Variants in ADAMTSL1 observed in about 807,000 individuals in gnomAD.
ADAMTSL1 encodes ADAMTS-like protein 1.
Under a neutral mutation model 201.8 loss-of-function variants are expected in ADAMTSL1, and 126 were observed. The ratio of observed to expected loss-of-function variants is 0.62; its 90% CI spans 0.54 to 0.72. ADAMTSL1 has a LOEUF of 0.72. ADAMTSL1 is among the 30% of genes least tolerant of loss of function. The pLI is 0.00. For synonymous variants in ADAMTSL1, 1,121 were observed against 903.4 expected, an observed-to-expected ratio of 1.24 and a Z score of -4.32; for missense variants, 2,679 against 2,277.8, an observed-to-expected ratio of 1.18 and a Z score of -3.59.
chr9:18,727,579 A>T (rs1212026285), intron 15 of ADAMTSL1, among the ~76,000 whole-genome samples: 1 of 152,152 alleles, frequency 6.6e-6, no homozygotes, highest in Non-Finnish European at 1.5e-5. Context: ...CTCTAGTGGG[A>T]CTGTATTGGC....
chr9:17,990,609 A>C (rs952153067), intron 1 of ADAMTSL1, among the ~76,000 whole-genome samples: 2 of 152,020 alleles, frequency 1.3e-5, no homozygotes, highest in Non-Finnish European at 2.9e-5. Context: ...ATTATACTTA[A>C]TTTCCTGGTT....
At chr9:17,908,392 C>A (rs966495632) in intron 1 of ADAMTSL1, among the ~76,000 whole-genome samples, 1 of 152,010 alleles carries the variant, frequency 6.6e-6, no homozygotes, top group African/African-American at 2.4e-5. Context: ...AATTCTAAAG[C>A]TCTCGGGTAA....
At chr9:18,118,515 A>G (rs1472878764) in intron 1 of ADAMTSL1, among the ~76,000 whole-genome samples, 2 of 152,176 alleles carry the variant, frequency 1.3e-5, no homozygotes, top group Admixed American at 6.5e-5. Flanking sequence ...TCATGATCTG[A>G]TTGGTATGCT....
intron 2 of ADAMTSL1, among the ~76,000 whole-genome samples, chr9:18,342,279 T>C (rs1835496332): frequency 6.6e-6 from 1 of 152,174 alleles, no homozygotes; most frequent in African/African-American, 2.4e-5. Flanking sequence ...CTTTGAGTAA[T>C]TGTTTTAAAA....
At chr9:18,775,944 A>T in intron 18 of ADAMTSL1, 48 bp downstream of exon 18, 1 of 1,559,100 alleles carries the variant, frequency 6.4e-7, no homozygotes, top group Non-Finnish European at 8.7e-7. Flanking sequence ...CCCACACAGC[A>T]GCAGCTATAG....
chr9:18,093,899 A>C (rs982713769), intron 1 of ADAMTSL1, among the ~76,000 whole-genome samples: 43 of 152,270 alleles, frequency 2.8e-4, no homozygotes, highest in African/African-American at 9.4e-4. Context: ...TGGGAAGGTC[A>C]TTGTGCAATG....
chr9:18,155,640 T>TAG (rs894418961), intron 1 of ADAMTSL1, among the ~76,000 whole-genome samples: 2 of 152,050 alleles, frequency 1.3e-5, no homozygotes, highest in African/African-American at 4.8e-5. Context: ...CCATGTGGCC[T>TAG]AGAGAAGCCA....
At chr9:18,445,088 T>C (rs925017361) in intron 2 of ADAMTSL1, among the ~76,000 whole-genome samples, 6 of 152,150 alleles carry the variant, frequency 3.9e-5, no homozygotes, top group Admixed American at 1.3e-4. Context: ...AACACTGTGA[T>C]ATTCTTCAGT....
chr9:18,019,694 G>A lies in ADAMTSL1; in HGVS notation c.87+112772G>A, dbSNP rs59656854. 4.9e-4 allele frequency among the ~76,000 whole-genome samples: 75 copies of A among 152,192 alleles called. 1 individual carries two copies. The East Asian group carries it at 0.013, about 26-fold the overall frequency. The stretch of plus-strand genomic sequence containing the variant: ...GAGTCATGGGTGACCCACTAAGCAG[G>A]AACATTGGACTTGGACTTAGGGGAA... On this transcript the variant is annotated intron_variant, in intron 1 of 29. Transcript: ENST00000680146.
intron 1 of ADAMTSL1, among the ~76,000 whole-genome samples, chr9:18,053,073 A>G (rs979121043): frequency 6.6e-6 from 1 of 152,226 alleles, no homozygotes; most frequent in Non-Finnish European, 1.5e-5. Context: ...ATCAAAATCC[A>G]TAAAGCTAAA....
chr9:18,015,401 C>G (rs1374587752), intron 1 of ADAMTSL1, among the ~76,000 whole-genome samples: 1 of 152,080 alleles, frequency 6.6e-6, no homozygotes, highest in Non-Finnish European at 1.5e-5. Context: ...CTATTAACAA[C>G]TCCCTTTCTT....
chr9:18,315,048 G>C (rs1041769640), intron 2 of ADAMTSL1, among the ~76,000 whole-genome samples: 1 of 151,748 alleles, frequency 6.6e-6, no homozygotes, highest in African/African-American at 2.4e-5. Context: ...CGCCCGCCTC[G>C]GCCTCCCAAA....
intron 1 of ADAMTSL1, among the ~76,000 whole-genome samples, chr9:18,024,764 T>G (rs1442734953): frequency 6.6e-6 from 1 of 152,096 alleles, no homozygotes; most frequent in Non-Finnish European, 1.5e-5. Context: ...ACAACTTATT[T>G]TCCTTTGGGC....
chr9:18,574,379 T>C (rs749845622), intron 4 of ADAMTSL1, 113 bp downstream of exon 4: 2 of 971,052 alleles, frequency 2.1e-6, no homozygotes, highest in Admixed American at 3.8e-5. Context: ...TTTTAGAGTT[T>C]GTAAATGGTG....
chr9:17,922,637 G>C (rs981597827), intron 1 of ADAMTSL1, among the ~76,000 whole-genome samples: 1 of 152,136 alleles, frequency 6.6e-6, no homozygotes, highest in Non-Finnish European at 1.5e-5. Context: ...ACAGATGAGA[G>C]AGGTAAGGTC....
intron 2 of ADAMTSL1, among the ~76,000 whole-genome samples, chr9:18,193,235 A>T (rs1287490576): frequency 7.9e-5 from 12 of 152,170 alleles, no homozygotes; most frequent in African/African-American, 2.9e-4. Flanking sequence ...TCACTATAAG[A>T]TTCAAATCGT....
chr9:18,348,721 T>A (rs916863674), intron 2 of ADAMTSL1, among the ~76,000 whole-genome samples: 1 of 152,136 alleles, frequency 6.6e-6, no homozygotes, highest in East Asian at 1.9e-4. Context: ...AGTCACAAAT[T>A]TGGCCAGAGC....
At chr9:18,095,910 C>T (rs1824232181) in intron 1 of ADAMTSL1, among the ~76,000 whole-genome samples, 1 of 152,148 alleles carries the variant, frequency 6.6e-6, no homozygotes, top group Non-Finnish European at 1.5e-5. Context: ...TGTTTCTAAG[C>T]CTCCTGAATG....
chr9:18,334,176 G>T (rs1835139258), intron 2 of ADAMTSL1, among the ~76,000 whole-genome samples: 1 of 152,110 alleles, frequency 6.6e-6, no homozygotes, highest in South Asian at 2.1e-4. Flanking sequence ...AAAAAATATG[G>T]AAAGGGAGAA....
Sources: allele counts gnomAD v4.1 joint callset (sites outside exome capture counted in the v4.1 genomes callset), GRCh38; gene constraint gnomAD v4.1.1; transcripts MANE v1.5; gene names NCBI Gene and HGNC (gene_info 2026-07-23, HGNC 2026-07-21).